The following PCDHAC1 variants were observed in gnomAD, a reference collection of about 807,000 sequenced individuals.
The protein encoded by PCDHAC1 is protocadherin alpha-C1.
A neutral mutation model predicts 60.0 loss-of-function variants in PCDHAC1; 42 were observed. That is an observed-to-expected ratio of 0.70 (90% CI 0.55 to 0.90). The LOEUF (loss-of-function observed/expected upper bound fraction) is 0.90, where lower values mean the gene tolerates loss of function less well. PCDHAC1 is among the 40% of genes least tolerant of loss of function. The pLI is 0.00. For synonymous variants in PCDHAC1, 468 were observed against 499.3 expected (o/e 0.94, Z 0.84); for missense variants, 1,160 against 1,222.3 (o/e 0.95, Z 0.76).
At chr5:140,956,629 G>A (rs1554222520) in intron 1 of PCDHAC1, among the ~76,000 whole-genome samples, 1 of 152,060 alleles carries the variant, frequency 6.6e-6, no homozygotes, top group Non-Finnish European at 1.5e-5. Flanking sequence ...TTGCATCTCT[G>A]CCAGGTTTTG....
rs782379229 is a variant in PCDHAC1, at chr5:140,927,578, A to G, written c.686A>G (p.Asn229Ser). ...ATCATTGTGGTGGACACAAATGACAACGCGCCTGTATTTGAGCGCTCCGTA... is the reference window on the plus strand; with the variant it reads ...ATCATTGTGGTGGACACAAATGACAGCGCGCCTGTATTTGAGCGCTCCGTA... The part of the protein sequence containing the change: ...VTIIVVDTND[N>S]APVFERSVYR... The change falls in exon 1 of 4, where the codon AAC becomes AGC. Residue 229 changes from asparagine to serine, a missense_variant. This residue lies in a region of PCDHAC1 where 1,113 missense variants were observed against 1,163.7 expected (regional missense o/e 0.96). Transcript: ENST00000253807. 1.5e-5 allele frequency: 24 copies of G among 1,614,024 alleles called. No homozygotes were observed. The highest frequency in any genetic ancestry group is 2.0e-5 in the Non-Finnish European group (24 of 1,180,026).
chr5:140,934,239 T>C (rs2089722399), intron 1 of PCDHAC1, among the ~76,000 whole-genome samples: 1 of 152,146 alleles, frequency 6.6e-6, no homozygotes, highest in Non-Finnish European at 1.5e-5. Context: ...TACTTAATTG[T>C]GGAGATTTAT....
At chr5:140,962,840 T>C (rs1554226297) in intron 1 of PCDHAC1, among the ~76,000 whole-genome samples, 6 of 152,348 alleles carry the variant, frequency 3.9e-5, no homozygotes, top group African/African-American at 2.4e-5. Context: ...TTTTTTATTA[T>C]ATAACTTGTG....
chr5:140,937,259 G>T (rs1306999153), intron 1 of PCDHAC1, among the ~76,000 whole-genome samples: 1 of 151,852 alleles, frequency 6.6e-6, no homozygotes, highest in African/African-American at 2.4e-5. Context: ...GGATGGTCTC[G>T]ATCTCCTGAC....
chr5:140,941,210 T>TTC (rs2092846943), intron 1 of PCDHAC1, among the ~76,000 whole-genome samples: 12 of 100,630 alleles, frequency 1.2e-4, no homozygotes, highest in Admixed American at 4.7e-4. Context: ...TTCCTTTCTT[T>TTC]CTTCCTTTCT....
At chr5:140,999,795 T>C (rs1222111677) in intron 3 of PCDHAC1, among the ~76,000 whole-genome samples, 3 of 152,224 alleles carry the variant, frequency 2.0e-5, no homozygotes, top group Non-Finnish European at 4.4e-5. Context: ...GGCAGAGTTA[T>C]TTTGGGCACA....
chr5:141,001,987 A>C (rs547998020), intron 3 of PCDHAC1, among the ~76,000 whole-genome samples: 3 of 152,302 alleles, frequency 2.0e-5, no homozygotes, highest in African/African-American at 7.2e-5. Context: ...AAAGCCTGGA[A>C]GTTCACTTGC....
rs183950754 is a variant in PCDHAC1, at chr5:140,960,187, T to G, written c.2434-18762T>G. On this transcript the variant is annotated intron_variant, in intron 1 of 3. Coordinates refer to ENST00000253807, the MANE Select transcript of PCDHAC1 (RefSeq NM_018898.5). ...CAATTCTTAAGTTAGGGGTTGCATG[T>G]GTAGTGGTCAGATGTTATTTCAGGA... 3.5e-3 allele frequency among the ~76,000 whole-genome samples: 529 copies of G among 152,196 alleles called. 22 individuals are homozygous for G. Among genetic ancestry groups the G allele is most frequent in the Admixed American group, 0.032 (493 of 15,274 alleles).
At chr5:140,939,590 C>G (rs1385974524) in intron 1 of PCDHAC1, among the ~76,000 whole-genome samples, 1 of 152,052 alleles carries the variant, frequency 6.6e-6, no homozygotes, top group African/African-American at 2.4e-5. Flanking sequence ...TTTTAACATA[C>G]CTTGCTCAAA....
intron 1 of PCDHAC1, chr5:140,967,043 G>A: frequency 6.2e-7 from 1 of 1,612,108 alleles, no homozygotes; most frequent in Non-Finnish European, 8.5e-7. Context: ...CCTGGAGCTG[G>A]ACCTGACGAG....
chr5:141,012,182 A>T lies in PCDHAC1; in HGVS notation c.*2245A>T, dbSNP rs1334407628. On this transcript the variant is annotated 3_prime_UTR_variant, in exon 4 of 4. Coordinates refer to ENST00000253807, the MANE Select transcript of PCDHAC1 (RefSeq NM_018898.5). ...CTAATTTATTAATGATGATAATTATAATGTATCTGTACAGCACTTTTTACA... is the reference window on the plus strand; with the variant it reads ...CTAATTTATTAATGATGATAATTATTATGTATCTGTACAGCACTTTTTACA... 6.5e-6 allele frequency: 1 copy of T among 153,776 alleles called. No homozygotes were observed. The highest frequency in any genetic ancestry group is 1.5e-5 in the Non-Finnish European group (1 of 68,050). 9.5% of individuals were successfully genotyped at this position (153,776 alleles called of 1,614,324 possible).
chr5:140,973,929 T>C (rs2096608226), intron 1 of PCDHAC1, among the ~76,000 whole-genome samples: 1 of 152,216 alleles, frequency 6.6e-6, no homozygotes, highest in Non-Finnish European at 1.5e-5. Flanking sequence ...AACCCAGAGG[T>C]TTAGCTGAAT....
chr5:140,942,572 C>A (rs2093326271), intron 1 of PCDHAC1, among the ~76,000 whole-genome samples: 1 of 151,292 alleles, frequency 6.6e-6, no homozygotes, highest in Non-Finnish European at 1.5e-5. Flanking sequence ...AAAAATCTTC[C>A]CATATAGGAT....
chr5:140,926,829 G>A lies in PCDHAC1; in HGVS notation c.-64G>A. On this transcript the variant is annotated 5_prime_UTR_variant, in exon 1 of 4. Coordinates refer to ENST00000253807, the MANE Select transcript of PCDHAC1 (RefSeq NM_018898.5). ...CGCGGCTCGTGCTCTCCAGGAGTCC[G>A]GAGCATGGTCCTGGGTCACCGTTGG... 6.7e-7 allele frequency: 1 copy of A among 1,501,192 alleles called. No individual in the cohort carries two copies. Among genetic ancestry groups the A allele is most frequent in the Middle Eastern group, 2.1e-4 (1 of 4,818 alleles). The allele number at this position is 1,501,192 out of a possible 1,614,324, so 93.0% of individuals were successfully genotyped here.
Position 140,927,889 on chromosome 5 carries a change from G to A in PCDHAC1, c.997G>A (p.Val333Met). ...TAAACTGCTGGTGGAGGTGACTGAC[G>A]TGAACGATCATGCCCCCGAACTGGA... ...TAKLLVEVTD[V>M]NDHAPELDFL... is the part of the protein sequence containing the mutation. Residue 333 changes from valine (V) to methionine (M), a missense_variant, in exon 1 of 4, where the codon GTG becomes ATG. Physicochemically the swap from Val to Met is conservative, Grantham distance 21. Around this residue, in one of 3 missense-constraint regions of PCDHAC1, gnomAD observed 1,113 missense variants for 1,163.7 expected, o/e 0.96. Coordinates refer to ENST00000253807, the MANE Select transcript of PCDHAC1 (RefSeq NM_018898.5). The A allele has an allele frequency of 1.9e-6, 3 of 1,614,226 alleles. No homozygotes were observed. Among genetic ancestry groups the A allele is most frequent in the Non-Finnish European group, 2.5e-6 (3 of 1,180,044 alleles).
chr5:140,999,995 A>G (rs1174530266), intron 3 of PCDHAC1, among the ~76,000 whole-genome samples: 1 of 152,068 alleles, frequency 6.6e-6, no homozygotes, highest in Non-Finnish European at 1.5e-5. Flanking sequence ...GGGTAGTGGT[A>G]TTAGATTGGC....
intron 1 of PCDHAC1, chr5:140,967,750 C>A (rs782284231): frequency 1.4e-5 from 22 of 1,614,072 alleles, no homozygotes; most frequent in Non-Finnish European, 1.7e-6. Flanking sequence ...ATGAGGAAGC[C>A]TCCTCCTACC....
At chr5:140,972,005 C>T (rs1236779874) in intron 1 of PCDHAC1, among the ~76,000 whole-genome samples, 1 of 151,980 alleles carries the variant, frequency 6.6e-6, no homozygotes, top group Admixed American at 6.6e-5. Flanking sequence ...GTTTATATTC[C>T]CTTTTATATG....
intron 3 of PCDHAC1, among the ~76,000 whole-genome samples, chr5:140,984,789 A>G (rs2097121266): frequency 6.6e-6 from 1 of 152,202 alleles, no homozygotes; most frequent in African/African-American, 2.4e-5. Context: ...GGGTGAGCAT[A>G]GACAAACTGC....
Sources: allele counts gnomAD v4.1 joint callset (sites outside exome capture counted in the v4.1 genomes callset), GRCh38; gene constraint gnomAD v4.1.1; regional missense constraint gnomAD v4.1.1; transcripts MANE v1.5; gene names NCBI Gene and HGNC (gene_info 2026-07-23, HGNC 2026-07-21).